TNS1: variants seen among roughly 807,000 people sequenced by gnomAD.
TNS1 encodes the protein tensin 1.
In TNS1, 62 loss-of-function variants were observed where a neutral mutation model predicts 168.6. That is an observed-to-expected ratio of 0.37 (90% CI 0.30 to 0.45). The LOEUF (loss-of-function observed/expected upper bound fraction) is 0.45. Ranked by LOEUF, TNS1 falls within the 20% of genes least tolerant of loss-of-function variation. The probability of loss-of-function intolerance (pLI) is 1.00; values close to 1 mark genes in which losing one functional copy is unlikely to be tolerated. For synonymous variants in TNS1, 934 were observed against 933.2 expected (o/e 1.00, Z -0.02); for missense variants, 2,240 against 2,339.4 (o/e 0.96, Z 0.88).
chr2:217,885,584 G>A (rs1356823850), intron 15 of TNS1, among the ~76,000 whole-genome samples, 160 bp downstream of exon 15: 2 of 152,224 alleles, frequency 1.3e-5, no homozygotes, highest in Non-Finnish European at 2.9e-5. Flanking sequence ...CACAGACTGT[G>A]TGAGACTGGA....
chr2:217,990,909 C>T (rs751549240), intron 2 of TNS1, 33 bp downstream of exon 2: 10 of 583,514 alleles, frequency 1.7e-5, no homozygotes, highest in Non-Finnish European at 2.5e-5. Context: ...CTGATGGGTG[C>T]TCCCATCCCC....
intron 3 of TNS1, among the ~76,000 whole-genome samples, chr2:217,944,855 A>T (rs1209912497): frequency 6.6e-6 from 1 of 152,234 alleles, no homozygotes; most frequent in East Asian, 1.9e-4. Flanking sequence ...GATAAAAATA[A>T]TGGGGGAAGT....
intron 2 of TNS1, 155 bp from the exon 3 acceptor site, chr2:217,978,957 A>G: frequency 1.6e-6 from 1 of 611,512 alleles, no homozygotes; most frequent in Non-Finnish European, 3.0e-6. Context: ...GAGGGAGGGG[A>G]CGGAGGGGAG....
intron 19 of TNS1, among the ~76,000 whole-genome samples, chr2:217,842,566 T>C (rs759703080): frequency 1.3e-5 from 2 of 152,152 alleles, no homozygotes; most frequent in Admixed American, 6.6e-5. Context: ...CCCAGATCAA[T>C]AGCAGCAGCC....
chr2:217,889,562 A>G (rs1482497117), intron 12 of TNS1, among the ~76,000 whole-genome samples: 1 of 152,162 alleles, frequency 6.6e-6, no homozygotes, highest in Non-Finnish European at 1.5e-5. Flanking sequence ...CTCCCCACCC[A>G]GATCTCATGT....
At chr2:217,930,850 C>T (rs1956283601) in intron 3 of TNS1, among the ~76,000 whole-genome samples, 1 of 152,174 alleles carries the variant, frequency 6.6e-6, no homozygotes, top group East Asian at 1.9e-4. Context: ...AACCCCACCC[C>T]TTCTCCCTGA....
intron 7 of TNS1, among the ~76,000 whole-genome samples, chr2:217,898,561 C>G (rs566453884): frequency 6.6e-6 from 1 of 152,254 alleles, no homozygotes; most frequent in Non-Finnish European, 1.5e-5. Flanking sequence ...CACATTCCAG[C>G]CCTCCCGGAG....
chr2:218,020,236 T>G (rs1364344369), intron 1 of TNS1, among the ~76,000 whole-genome samples: 2 of 151,930 alleles, frequency 1.3e-5, no homozygotes, highest in East Asian at 3.9e-4. Flanking sequence ...TCTGTGCCAG[T>G]GGGTGAACAG....
chr2:217,906,481 G>T (rs995956878), intron 5 of TNS1, 96 bp from the exon 6 acceptor site: 3 of 687,458 alleles, frequency 4.4e-6, no homozygotes, highest in African/African-American at 1.8e-5. Context: ...TGAGGAGGTT[G>T]GCAGAGGGGC....
At chr2:217,963,305 G>C (rs1417133042) in intron 3 of TNS1, among the ~76,000 whole-genome samples, 1 of 152,198 alleles carries the variant, frequency 6.6e-6, no homozygotes, top group Non-Finnish European at 1.5e-5. Context: ...AGGTGCTCCG[G>C]CACGGGGTCA....
chr2:217,935,670 C>T (rs61325045), intron 3 of TNS1, among the ~76,000 whole-genome samples: 6,333 of 152,316 alleles, frequency 0.042, 167 homozygotes, highest in African/African-American at 0.051. Context: ...TTGCACTCAT[C>T]CCAGCCAAGA....
intron 3 of TNS1, among the ~76,000 whole-genome samples, chr2:217,970,984 G>A (rs1268307001): frequency 1.3e-5 from 2 of 152,074 alleles, no homozygotes; most frequent in Admixed American, 1.3e-4. Context: ...GCTAGCACTG[G>A]CCAAGAAGAC....
chr2:217,961,916 G>A (rs918511475), intron 3 of TNS1, among the ~76,000 whole-genome samples: 1 of 152,194 alleles, frequency 6.6e-6, no homozygotes, highest in African/African-American at 2.4e-5. Context: ...TTGAAAAGGT[G>A]GGTGGCCTTC....
chr2:217,826,551 A>G (rs1306633484), intron 22 of TNS1, among the ~76,000 whole-genome samples: 1 of 152,076 alleles, frequency 6.6e-6, no homozygotes, highest in Non-Finnish European at 1.5e-5. Flanking sequence ...GTTCTTCCTA[A>G]TTCTTTCCTG....
chr2:217,958,917 T>G (rs1468172722), intron 3 of TNS1, among the ~76,000 whole-genome samples: 1 of 152,200 alleles, frequency 6.6e-6, no homozygotes, highest in Non-Finnish European at 1.5e-5. Flanking sequence ...TTCTACAAGG[T>G]TCTCAGCACC....
intron 19 of TNS1, among the ~76,000 whole-genome samples, chr2:217,837,818 A>G (rs975810705): frequency 6.6e-6 from 1 of 152,260 alleles, no homozygotes. Context: ...AGACCCAGCC[A>G]GGGGCTGCCA....
intron 7 of TNS1, among the ~76,000 whole-genome samples, chr2:217,899,016 G>C (rs1952636800): frequency 6.6e-6 from 1 of 152,186 alleles, no homozygotes; most frequent in Non-Finnish European, 1.5e-5. Context: ...TTTCACCACA[G>C]CGGGATAAAG....
intron 1 of TNS1, among the ~76,000 whole-genome samples, chr2:217,997,777 G>T (rs983240982): frequency 6.6e-6 from 1 of 152,206 alleles, no homozygotes; most frequent in Non-Finnish European, 1.5e-5. Flanking sequence ...CGGTGGAATG[G>T]GGCCTGGCGC....
chr2:217,895,651 C>A (rs1053087335), intron 8 of TNS1, among the ~76,000 whole-genome samples: 1 of 152,176 alleles, frequency 6.6e-6, no homozygotes, highest in Non-Finnish European at 1.5e-5. Context: ...CCTGGGTGGG[C>A]CCAATCAGAC....
Sources: allele counts gnomAD v4.1 joint callset (sites outside exome capture counted in the v4.1 genomes callset), GRCh38; gene constraint gnomAD v4.1.1; transcripts MANE v1.5; gene names NCBI Gene and HGNC (gene_info 2026-07-23, HGNC 2026-07-21).